NCAM2: variants seen among roughly 807,000 people sequenced by gnomAD.
NCAM2 encodes N-CAM-2.
Under a neutral mutation model 98.1 loss-of-function variants are expected in NCAM2, and 30 were observed. The observed-to-expected ratio is 0.31, with a 90% confidence interval of 0.23 to 0.41. The LOEUF (loss-of-function observed/expected upper bound fraction) is 0.41, where lower values mean the gene tolerates loss of function less well. Ranked by LOEUF, NCAM2 falls within the 10% of genes least tolerant of loss-of-function variation. The probability of loss-of-function intolerance (pLI) is 1.00; values close to 1 mark genes in which losing one functional copy is unlikely to be tolerated. For synonymous variants in NCAM2, 368 were observed against 342.4 expected (o/e 1.07, Z -0.83); for missense variants, 867 against 1,005.8 (o/e 0.86, Z 1.87).
In NCAM2 at chr21:21,466,703, A is replaced by G; in HGVS notation, c.1752A>G (p.Glu584=). Residue 584 remains glutamate, a synonymous_variant, in exon 13 of 18, where the codon GAA becomes GAG. Transcript: ENST00000400546. ...GACAAGGAGACTACAGTAAAATAGA[A>G]ATCTTCCAAACATTACCAGTTCGTA... The part of the protein sequence containing the change: ...GKGQGDYSKI[E]IFQTLPVREP... 1.2e-6 allele frequency: 2 copies of G among 1,607,950 alleles called. No homozygotes were observed. Among genetic ancestry groups the G allele is most frequent in the Non-Finnish European group, 1.7e-6 (2 of 1,176,682 alleles).
chr21:21,048,674 G>C (rs1243820667), intron 1 of NCAM2, among the ~76,000 whole-genome samples: 1 of 151,966 alleles, frequency 6.6e-6, no homozygotes, highest in African/African-American at 2.4e-5. Flanking sequence ...GAATGTATTT[G>C]ATTAATGTCT....
intron 9 of NCAM2, among the ~76,000 whole-genome samples, chr21:21,408,615 G>C (rs1372984156): frequency 1.3e-5 from 2 of 151,860 alleles, no homozygotes; most frequent in African/African-American, 4.8e-5. Flanking sequence ...TATTTGATTG[G>C]GCATATAATA....
intron 12 of NCAM2, among the ~76,000 whole-genome samples, chr21:21,459,205 G>A (rs186594404): frequency 4.6e-5 from 7 of 151,846 alleles, no homozygotes; most frequent in African/African-American, 7.2e-5. Context: ...TTAAGTGTTC[G>A]CAAGCATGTA....
At chr21:21,429,525 A>T (rs1207497515) in intron 11 of NCAM2, among the ~76,000 whole-genome samples, 2 of 152,158 alleles carry the variant, frequency 1.3e-5, no homozygotes, top group East Asian at 3.9e-4. Flanking sequence ...AGATTGAAGA[A>T]TTGGCATTTT....
At chr21:21,409,655 T>C (rs1335844757) in intron 9 of NCAM2, among the ~76,000 whole-genome samples, 1 of 152,204 alleles carries the variant, frequency 6.6e-6, no homozygotes, top group African/African-American at 2.4e-5. Context: ...ATTAACATAG[T>C]CAATATGTAT....
chr21:21,524,678 T>C (rs888440034), intron 16 of NCAM2, among the ~76,000 whole-genome samples: 1 of 152,166 alleles, frequency 6.6e-6, no homozygotes, highest in African/African-American at 2.4e-5. Context: ...ATATGTCATC[T>C]GTAGACGAAT....
Position 21,218,971 on chromosome 21 carries a change from A to C in NCAM2, c.56-61607A>C, listed in dbSNP as rs183340916. Reference sequence around the variant, plus strand: ...GGAAGGAGAATCACTTCAACTCGGGAGGCAGAGTTTGCAGTGAGCTGAAAT... The same window carrying C: ...GGAAGGAGAATCACTTCAACTCGGGCGGCAGAGTTTGCAGTGAGCTGAAAT... On this transcript the variant is annotated intron_variant, in intron 1 of 17. Transcript: ENST00000400546. Among the ~76,000 whole-genome samples, 11 of 152,314 alleles carry C rather than the reference A, an allele frequency of 7.2e-5. No homozygotes were observed. In the East Asian group the frequency reaches 1.9e-3, roughly 27 times the overall value.
intron 17 of NCAM2, among the ~76,000 whole-genome samples, chr21:21,536,407 TC>T (rs67948730): frequency 0.39 from 56,676 of 147,014 alleles, 11,455 homozygotes; most frequent in Non-Finnish European, 0.45. Flanking sequence ...TTTTTTTTTT[TC>T]CGAGACTAGT....
chr21:21,199,603 A>G (rs1049030759), intron 1 of NCAM2, among the ~76,000 whole-genome samples: 1 of 152,204 alleles, frequency 6.6e-6, no homozygotes, highest in African/African-American at 2.4e-5. Context: ...CATTCAGACT[A>G]TAGTCCCAAT....
chr21:21,435,296 G>A (rs1011673084), intron 12 of NCAM2, among the ~76,000 whole-genome samples: 4 of 152,128 alleles, frequency 2.6e-5, no homozygotes, highest in Non-Finnish European at 5.9e-5. Context: ...TCAATCCTCT[G>A]TAAAAGCAGA....
intron 14 of NCAM2, among the ~76,000 whole-genome samples, chr21:21,470,437 C>G (rs1028619927): frequency 3.3e-5 from 5 of 152,030 alleles, no homozygotes; most frequent in African/African-American, 1.2e-4. Flanking sequence ...ATTGAAGAGA[C>G]TCAAGTTCAT....
intron 5 of NCAM2, among the ~76,000 whole-genome samples, chr21:21,318,972 A>G (rs1165734236): frequency 6.6e-6 from 1 of 152,202 alleles, no homozygotes; most frequent in Non-Finnish European, 1.5e-5. Context: ...CAATATTTGC[A>G]TAAATAAATG....
intron 1 of NCAM2, among the ~76,000 whole-genome samples, chr21:21,088,641 G>T (rs574112559): frequency 6.6e-6 from 1 of 152,238 alleles, no homozygotes; most frequent in Non-Finnish European, 1.5e-5. Context: ...ATAGGGGGTT[G>T]TTGACTTTGA....
chr21:21,315,395 C>T (rs2147746140), intron 5 of NCAM2, among the ~76,000 whole-genome samples: 1 of 152,234 alleles, frequency 6.6e-6, no homozygotes, highest in Non-Finnish European at 1.5e-5. Context: ...TCTTAGGTCA[C>T]CACTTTTTAG....
chr21:21,217,578 A>G (rs1040488494), intron 1 of NCAM2, among the ~76,000 whole-genome samples: 8 of 152,300 alleles, frequency 5.3e-5, no homozygotes, highest in African/African-American at 1.4e-4. Flanking sequence ...TACTTTGGTT[A>G]TTCAATCAGA....
chr21:21,343,312 C>G (rs569460658), intron 8 of NCAM2, among the ~76,000 whole-genome samples: 86 of 151,232 alleles, frequency 5.7e-4, no homozygotes, highest in African/African-American at 2.0e-3. Context: ...CACCAATTGT[C>G]TCCCCAACCC....
intron 4 of NCAM2, chr21:21,290,205 T>A (rs1053588990): frequency 6.6e-6 from 1 of 151,946 alleles, no homozygotes; most frequent in Non-Finnish European, 1.5e-5. Flanking sequence ...ACATTAAATA[T>A]AATCAGTAAA....
chr21:21,399,578 T>C (rs1418037809), intron 9 of NCAM2, among the ~76,000 whole-genome samples: 1 of 152,174 alleles, frequency 6.6e-6, no homozygotes, highest in African/African-American at 2.4e-5. Flanking sequence ...TAAAAACTTA[T>C]TTTTATTATA....
chr21:21,011,134 C>A (rs1027698126), intron 1 of NCAM2, among the ~76,000 whole-genome samples: 2 of 148,398 alleles, frequency 1.3e-5, no homozygotes, highest in Non-Finnish European at 3.0e-5. Flanking sequence ...AAGAAGGAAA[C>A]CTGCCATTTA....
Sources: gnomAD v4.1 joint callset for allele counts (sites outside exome capture counted in the v4.1 genomes callset) on GRCh38, gnomAD v4.1.1 for gene constraint, MANE v1.5 for transcripts, NCBI Gene and HGNC (gene_info 2026-07-23, HGNC 2026-07-21) for gene names.